Variants in DLG5 observed in about 807,000 individuals in gnomAD.
DLG5 encodes the protein discs large MAGUK scaffold protein 5, also known as disks large homolog 5.
In DLG5, 48 loss-of-function variants were observed where a neutral mutation model predicts 189.8. The observed-to-expected ratio is 0.25, with a 90% CI of 0.20 to 0.32. The LOEUF (loss-of-function observed/expected upper bound fraction) is 0.32, where lower values mean the gene tolerates loss of function less well. Among genes scored for constraint, DLG5 ranks in the 10% least tolerant of loss-of-function variants. The pLI, the probability that DLG5 is intolerant of heterozygous loss-of-function variation, is 1.00. For missense variants in DLG5, 2,160 were observed against 2,544.7 expected (o/e 0.85, Z 3.25); for synonymous variants, 1,016 against 1,054.1 (o/e 0.96, Z 0.70).
intron 7 of DLG5, among the ~76,000 whole-genome samples, chr10:77,839,512 G>A (rs531402645): frequency 5.9e-4 from 89 of 152,128 alleles, no homozygotes; most frequent in Non-Finnish European, 1.1e-3. Flanking sequence ...AAAAAAGAAA[G>A]AAAGAAAAAA....
At chr10:77,910,406 G>A (rs1846185448) in intron 1 of DLG5, among the ~76,000 whole-genome samples, 1 of 152,154 alleles carries the variant, frequency 6.6e-6, no homozygotes, top group Admixed American at 6.5e-5. Context: ...TCATTGATCA[G>A]GAATTAAAGG....
intron 7 of DLG5, among the ~76,000 whole-genome samples, chr10:77,837,799 C>T (rs1321379841): frequency 6.6e-6 from 1 of 152,186 alleles, no homozygotes; most frequent in Non-Finnish European, 1.5e-5. Flanking sequence ...GCTCTAAAAG[C>T]GCCACCTGCA....
the DLG5 span, among the ~76,000 whole-genome samples, chr10:77,938,730 A>G: frequency 1.3e-5 from 2 of 152,208 alleles, no homozygotes; most frequent in Non-Finnish European, 2.9e-5. Context: ...ACACCCATAG[A>G]AAGTAAGCAT....
chr10:77,906,111 C>T (rs1336490874), intron 1 of DLG5, among the ~76,000 whole-genome samples: 1 of 152,186 alleles, frequency 6.6e-6, no homozygotes, highest in African/African-American at 2.4e-5. Context: ...CAGTGAACAC[C>T]CTGGACCTTC....
intron 2 of DLG5, among the ~76,000 whole-genome samples, chr10:77,857,188 T>C (rs2154576773): frequency 6.6e-6 from 1 of 152,324 alleles, no homozygotes; most frequent in African/African-American, 2.4e-5. Flanking sequence ...ACCTCCAGGA[T>C]GCGACTGTTT....
Position 77,835,889 on chromosome 10 carries a change from C to T in DLG5, c.1471G>A (p.Ala491Thr). The T allele has an allele frequency of 6.2e-7, 1 of 1,613,696 alleles. No homozygotes were observed. The highest frequency in any genetic ancestry group is 1.3e-5 in the African/African-American group (1 of 75,040). ...KDTVTMDAGR[A>T]NKEVEILRKQ... is the part of the protein sequence containing the mutation. ...CGAAGGATTTCAACCTCCTTGTTGG[C>T]TCTCCCAGCATCCATTGTCACCGTG... Residue 491 changes from alanine to threonine, a missense_variant, in exon 8 of 32, where the codon GCC (alanine) becomes ACC (threonine). Ala to Thr is a moderately conservative substitution (Grantham distance 58, BLOSUM62 0). Coordinates refer to ENST00000372391, the MANE Select transcript of DLG5 (RefSeq NM_004747.4).
intron 29 of DLG5, among the ~76,000 whole-genome samples, chr10:77,795,709 A>T (rs993705702): frequency 4.6e-5 from 7 of 151,964 alleles, no homozygotes; most frequent in African/African-American, 1.5e-4. Context: ...GGTGCATGTG[A>T]AATTGTTCGG....
At chr10:77,836,277 T>A (rs1843131208) in intron 7 of DLG5, among the ~76,000 whole-genome samples, 1 of 152,296 alleles carries the variant, frequency 6.6e-6, no homozygotes, top group Non-Finnish European at 1.5e-5. Flanking sequence ...GAGAGTTATA[T>A]GCTCCACTAA....
At chr10:77,936,330 C>T in the DLG5 span, among the ~76,000 whole-genome samples, 61 of 151,406 alleles carry the variant, frequency 4.0e-4, no homozygotes, top group South Asian at 1.0e-3. Context: ...CACAGCTACT[C>T]GGGAGGCAGA....
In DLG5 at chr10:77,896,608, A is replaced by AG. The variant is rs373506579; in HGVS notation, c.305-27412dup. 8.6e-3 allele frequency among the ~76,000 whole-genome samples: 1,309 copies of AG among 152,196 alleles called. 8 individuals carry two copies. The highest frequency in any genetic ancestry group is 0.014 in the Non-Finnish European group (927 of 68,002). On this transcript the variant is annotated intron_variant, in intron 1 of 31. Transcript: ENST00000372391. Reference sequence around the variant, plus strand: ...GTAATCCCAGCACTTTGGGAGGCCAAGGGGGGGTGGATCACTGAGGTCAGG... The same window carrying AG: ...GTAATCCCAGCACTTTGGGAGGCCAAGGGGGGGGTGGATCACTGAGGTCAGG...
chr10:77,812,140 G>C, intron 21 of DLG5, 75 bp downstream of exon 21: 1 of 1,596,864 alleles, frequency 6.3e-7, no homozygotes, highest in South Asian at 1.1e-5. Flanking sequence ...GAGCACTGCT[G>C]TTCCCTAGGA....
rs373153542 is a variant in DLG5, at chr10:77,821,413, A to G, written c.3071T>C (p.Phe1024Ser). Residue 1024 changes from phenylalanine to serine, a missense_variant, in exon 15 of 32, where the codon TTC (phenylalanine) becomes TCC (serine). Transcript: ENST00000372391. ...GGAGCTAGTCTCCAGCCTGTGCTGG[A>G]ACTTAATGGAGTCGCTCCTTCTGGG... ...KPPRRSDSIKFQHRLETSSES... is the reference protein window; with the variant it reads ...KPPRRSDSIKSQHRLETSSES... 2.5e-6 allele frequency: 4 copies of G among 1,612,546 alleles called. No individual in the cohort carries two copies. In the African/African-American group the frequency reaches 4.0e-5, roughly 16 times the overall value.
chr10:77,799,118 G>T (rs376756991), intron 27 of DLG5, among the ~76,000 whole-genome samples: 12 of 152,128 alleles, frequency 7.9e-5, no homozygotes. Flanking sequence ...TTACAGAATT[G>T]TAAGACTAGA....
chr10:77,835,581 G>A (rs146986332), intron 8 of DLG5, among the ~76,000 whole-genome samples, 157 bp downstream of exon 8: 2 of 152,302 alleles, frequency 1.3e-5, no homozygotes, highest in East Asian at 1.9e-4. Flanking sequence ...TAAGAGGCAA[G>A]GCTAGGGCAT....
chr10:77,881,801 T>C (rs2154577381), intron 1 of DLG5, among the ~76,000 whole-genome samples: 1 of 152,290 alleles, frequency 6.6e-6, no homozygotes, highest in East Asian at 1.9e-4. Flanking sequence ...AGCTGAGTCA[T>C]CAGCCAGAGA....
intron 2 of DLG5, among the ~76,000 whole-genome samples, chr10:77,858,933 C>T (rs939230882): frequency 1.3e-5 from 2 of 152,056 alleles, no homozygotes; most frequent in Non-Finnish European, 2.9e-5. Context: ...AGTACAGTGG[C>T]GCAGTCTCAG....
intron 1 of DLG5, among the ~76,000 whole-genome samples, chr10:77,905,116 C>G (rs1325222557): frequency 7.1e-6 from 1 of 140,154 alleles, no homozygotes; most frequent in Non-Finnish European, 1.5e-5. Context: ...GCGACAAGAG[C>G]GAGACTTCAT....
At chr10:77,880,291 T>C (rs1158528123) in intron 1 of DLG5, among the ~76,000 whole-genome samples, 1 of 152,042 alleles carries the variant, frequency 6.6e-6, no homozygotes, top group Non-Finnish European at 1.5e-5. Context: ...CCGCCTCTAC[T>C]AAAAATACAA....
intron 1 of DLG5, among the ~76,000 whole-genome samples, chr10:77,923,613 G>C (rs1053041347): frequency 1.3e-5 from 2 of 152,078 alleles, no homozygotes; most frequent in Non-Finnish European, 2.9e-5. Context: ...ACAAAAATTA[G>C]CTGGTGTGGT....
Sources: gnomAD v4.1 joint callset for allele counts (sites outside exome capture counted in the v4.1 genomes callset) on GRCh38, gnomAD v4.1.1 for gene constraint, MANE v1.5 for transcripts, NCBI Gene and HGNC (gene_info 2026-07-23, HGNC 2026-07-21) for gene names.